Variants in CWF19L1 observed in about 807,000 individuals in gnomAD.
CWF19L1 encodes the protein CWF19 like cell cycle control factor 1, also known as CWF19-like protein 1.
CWF19L1 carries 60 observed loss-of-function variants against 69.7 expected under a neutral mutation model. The ratio of observed to expected loss-of-function variants is 0.86; its 90% CI spans 0.70 to 1.07. CWF19L1 has a LOEUF of 1.07. Among genes scored for constraint, CWF19L1 ranks in the 50% least tolerant of loss-of-function variants. The pLI, the probability that CWF19L1 is intolerant of heterozygous loss-of-function variation, is 0.00. For synonymous variants in CWF19L1, 209 were observed against 222.2 expected, an observed-to-expected ratio of 0.94 and a Z score of 0.53; for missense variants, 591 against 638.9, an observed-to-expected ratio of 0.92 and a Z score of 0.81.
intron 1 of CWF19L1, among the ~76,000 whole-genome samples, chr10:100,264,229 T>G (rs1589636330): frequency 6.6e-6 from 1 of 152,208 alleles, no homozygotes; most frequent in South Asian, 2.1e-4. Flanking sequence ...TAAACAACTA[T>G]GTTACTGGTT....
At chr10:100,249,461 T>A (rs1846947888) in intron 7 of CWF19L1, among the ~76,000 whole-genome samples, 1 of 139,548 alleles carries the variant, frequency 7.2e-6, no homozygotes, top group African/African-American at 3.3e-5. Context: ...AACAACCTAT[T>A]TTTCTGGTAT....
intron 10 of CWF19L1, among the ~76,000 whole-genome samples, chr10:100,240,929 G>A (rs537938373): frequency 3.3e-5 from 5 of 150,954 alleles, no homozygotes; most frequent in Non-Finnish European, 7.4e-5. Context: ...AGGTTCTATG[G>A]CTCAGTTGTG....
At chr10:100,246,961 A>G (rs750107478) in intron 7 of CWF19L1, 26 bp from the exon 8 acceptor site, 2 of 1,573,528 alleles carry the variant, frequency 1.3e-6, no homozygotes. Flanking sequence ...ACATAATGAC[A>G]TTAGGGGAAA....
At chr10:100,262,390 TC>T in intron 1 of CWF19L1, 1 of 985,200 alleles carries the variant, frequency 1.0e-6, no homozygotes, top group Non-Finnish European at 1.2e-6. Flanking sequence ...GTCCCATCAA[TC>T]CCTTTTTCCA....
At chr10:100,235,952 T>G (rs1417036757) in intron 12 of CWF19L1, among the ~76,000 whole-genome samples, 188 bp from the exon 13 acceptor site, 1 of 152,202 alleles carries the variant, frequency 6.6e-6, no homozygotes, top group Non-Finnish European at 1.5e-5. Context: ...AACAATATCC[T>G]CCCAGTGGCG....
At chr10:100,267,361 T>C in intron 1 of CWF19L1, 1 of 930,032 alleles carries the variant, frequency 1.1e-6, no homozygotes, top group Non-Finnish European at 1.3e-6. Context: ...CGAACGAGCG[T>C]CGCCAAGAGA....
chr10:100,266,839 GTTTGTTTTGTTTTGT>G (rs68024399), intron 1 of CWF19L1, among the ~76,000 whole-genome samples: 3,927 of 148,234 alleles, frequency 0.026, 71 homozygotes, highest in Middle Eastern at 0.056. Context: ...ATTGTTTTTT[GTTTGTTTTGTTTTGT>G]TTTGTTTTGT....
intron 10 of CWF19L1, among the ~76,000 whole-genome samples, chr10:100,240,172 A>T (rs192537869): frequency 1.1e-4 from 17 of 152,270 alleles, no homozygotes; most frequent in African/African-American, 4.1e-4. Context: ...ACCATGTGTA[A>T]ATAGGACCTG....
chr10:100,244,756 C>T (rs918994325), intron 9 of CWF19L1, among the ~76,000 whole-genome samples: 1 of 152,040 alleles, frequency 6.6e-6, no homozygotes, highest in Admixed American at 6.6e-5. Flanking sequence ...TGGGTTCAAG[C>T]GATTCTCATG....
chr10:100,262,456 C>G, intron 1 of CWF19L1: 1 of 985,248 alleles, frequency 1.0e-6, no homozygotes, highest in Non-Finnish European at 1.2e-6. Context: ...TATCTTAGTA[C>G]GACTCCTCCT....
intron 4 of CWF19L1, among the ~76,000 whole-genome samples, chr10:100,257,556 C>T (rs992041129): frequency 3.3e-5 from 5 of 151,974 alleles, no homozygotes; most frequent in Non-Finnish European, 7.4e-5. Context: ...CCTCGACCTC[C>T]CAAGGTGCTA....
At chr10:100,254,920 C>G (rs1847160315) in intron 5 of CWF19L1, among the ~76,000 whole-genome samples, 1 of 152,156 alleles carries the variant, frequency 6.6e-6, no homozygotes, top group African/African-American at 2.4e-5. Context: ...AAGAGAGCAT[C>G]CTCCTTGATA....
At chr10:100,261,142 C>T in intron 2 of CWF19L1, 98 bp from the exon 3 acceptor site, 1 of 784,868 alleles carries the variant, frequency 1.3e-6, no homozygotes, top group African/African-American at 1.8e-5. Flanking sequence ...AGTTTCAAAT[C>T]AGTTTTTAAT....
chr10:100,255,825 G>A (rs1240420964), intron 5 of CWF19L1, among the ~76,000 whole-genome samples: 1 of 151,542 alleles, frequency 6.6e-6, no homozygotes, highest in Non-Finnish European at 1.5e-5. Context: ...AGCTACTCAG[G>A]AGGCTGAGGC....
At chr10:100,267,549 G>A in intron 1 of CWF19L1, 22 bp downstream of exon 1, 1 of 1,614,204 alleles carries the variant, frequency 6.2e-7, no homozygotes, top group Non-Finnish European at 8.5e-7. Context: ...AGGGAGAGAG[G>A]CTTCCATTCA....
chr10:100,253,914 A>T (rs1266722377), intron 5 of CWF19L1: 2 of 161,236 alleles, frequency 1.2e-5, no homozygotes, highest in African/African-American at 4.9e-5. Context: ...TTGCTTTGTC[A>T]CCCAGGCTGC....
chr10:100,239,097 A>C (rs1213812583), intron 10 of CWF19L1, among the ~76,000 whole-genome samples: 2 of 152,024 alleles, frequency 1.3e-5, no homozygotes, highest in Non-Finnish European at 2.9e-5. Context: ...TCTACAAAAC[A>C]AAAGCAAACA....
chr10:100,239,640 A>G (rs1482398605), intron 10 of CWF19L1, among the ~76,000 whole-genome samples: 2 of 152,108 alleles, frequency 1.3e-5, no homozygotes, highest in Non-Finnish European at 2.9e-5. Context: ...CTGTCTCAGG[A>G]AAAAAAATAA....
chr10:100,248,294 G>A (rs774320261), intron 7 of CWF19L1: 13 of 1,371,610 alleles, frequency 9.5e-6, no homozygotes, highest in Non-Finnish European at 1.3e-5. Flanking sequence ...CCGTTGGCAA[G>A]TTTGGCCTGG....
Sources: gnomAD v4.1 joint callset for allele counts (sites outside exome capture counted in the v4.1 genomes callset) on GRCh38, gnomAD v4.1.1 for gene constraint, MANE v1.5 for transcripts, NCBI Gene and HGNC (gene_info 2026-07-23, HGNC 2026-07-21) for gene names.